RBM20: variants seen among roughly 807,000 people sequenced by gnomAD.
The protein encoded by RBM20 is RNA-binding protein 20.
A neutral mutation model predicts 110.1 loss-of-function variants in RBM20; 51 were observed. That is an observed-to-expected ratio of 0.46 (90% CI 0.37 to 0.59). RBM20 has a LOEUF of 0.59. Ranked by LOEUF, RBM20 falls within the 20% of genes least tolerant of loss-of-function variation. The pLI, the probability that RBM20 is intolerant of heterozygous loss-of-function variation, is 0.00. For synonymous variants in RBM20, 589 were observed against 618.2 expected (o/e 0.95, Z 0.70); for missense variants, 1,512 against 1,574.9 (o/e 0.96, Z 0.68).
chr10:110,784,384 T>C lies in RBM20; in HGVS notation c.1381T>C (p.Cys461Arg), dbSNP rs1048812327. 1.3e-6 allele frequency: 2 copies of C among 1,551,342 alleles called. No homozygotes were observed. Among genetic ancestry groups the C allele is most frequent in the Non-Finnish European group, 1.7e-6 (2 of 1,146,992 alleles). ...CILGSAEGTL[C>R]ASPNSTAVYN... ...ACTTGGTTCGGCAGAGGGAACATTGTGTGCTTCTCCCAACAGCACAGCTGT... is the reference window on the plus strand; with the variant it reads ...ACTTGGTTCGGCAGAGGGAACATTGCGTGCTTCTCCCAACAGCACAGCTGT... Residue 461 changes from cysteine to arginine, a missense_variant, in exon 4 of 14, where the codon TGT (cysteine) becomes CGT (arginine). Physicochemically the swap from Cys to Arg is radical, Grantham distance 180. Coordinates refer to ENST00000369519, the MANE Select transcript of RBM20 (RefSeq NM_001134363.3).
chr10:110,783,455 A>G (rs1844380064), intron 3 of RBM20, 28 bp downstream of exon 3: 1 of 1,519,284 alleles, frequency 6.6e-7, no homozygotes, highest in Non-Finnish European at 8.9e-7. Context: ...GGACAGGCTC[A>G]TGCGTAGGCT....
intron 1 of RBM20, among the ~76,000 whole-genome samples, chr10:110,663,205 G>A (rs1862131014): frequency 6.6e-6 from 1 of 152,020 alleles, no homozygotes; most frequent in East Asian, 1.9e-4. Flanking sequence ...CAATCCACCT[G>A]CCTCAGCCTC....
intron 1 of RBM20, among the ~76,000 whole-genome samples, chr10:110,678,756 AT>A (rs1290727450): frequency 3.9e-5 from 6 of 152,178 alleles, no homozygotes; most frequent in Non-Finnish European, 2.9e-5. Context: ...CAATAGGAGA[AT>A]GTTTGGTGGT....
intron 12 of RBM20, among the ~76,000 whole-genome samples, chr10:110,824,335 A>G (rs1844955425): frequency 6.6e-6 from 1 of 152,202 alleles, no homozygotes; most frequent in East Asian, 1.9e-4. Flanking sequence ...CCTTCCCAGA[A>G]CAATGCTACA....
chr10:110,810,293 C>G (rs1844747808), intron 7 of RBM20, 90 bp from the exon 8 acceptor site: 1 of 907,346 alleles, frequency 1.1e-6, no homozygotes, highest in Middle Eastern at 2.1e-4. Flanking sequence ...TTTGGTGGAC[C>G]AGGCAATGAA....
intron 1 of RBM20, among the ~76,000 whole-genome samples, chr10:110,680,623 G>A (rs1055034221): frequency 1.8e-4 from 27 of 152,190 alleles, no homozygotes; most frequent in Admixed American, 1.2e-3. Flanking sequence ...GCTAACTAGC[G>A]TGGGCTGTGG....
rs867791175 is a variant in RBM20, at chr10:110,727,143, C to G, written c.192-53658C>G. Among the ~76,000 whole-genome samples the G allele has an allele frequency of 9.9e-5, 8 of 80,664 alleles. No homozygotes were observed. In the East Asian group the frequency reaches 3.8e-3, roughly 39 times the overall value. 52.9% of individuals were successfully genotyped at this position (80,664 alleles called of 152,430 possible). On this transcript the variant is annotated intron_variant, in intron 1 of 13. Coordinates refer to ENST00000369519, the MANE Select transcript of RBM20 (RefSeq NM_001134363.3). Reference sequence around the variant, plus strand: ...ACAGGCGTGAGTCACTGCACCCAGCCTTTTTTTTTTTTTTTTTTTTTTTTT... The same window carrying G: ...ACAGGCGTGAGTCACTGCACCCAGCGTTTTTTTTTTTTTTTTTTTTTTTTT...
rs1277502310 is a variant in RBM20, at chr10:110,689,947, G to C, written c.191+45302G>C. ...CATAAAAGAGATATCTTAATTTTAA[G>C]TGCTTCCAGAAAATGGGAATGAAAC... On this transcript the variant is annotated intron_variant, in intron 1 of 13. Coordinates refer to ENST00000369519, the MANE Select transcript of RBM20 (RefSeq NM_001134363.3). Among the ~76,000 whole-genome samples the C allele has an allele frequency of 2.0e-5, 3 of 152,106 alleles. No individual in the cohort carries two copies. In the East Asian group the frequency reaches 5.8e-4, roughly 29 times the overall value.
In RBM20 at chr10:110,810,453, AAGCAGAC is replaced by A. The variant is rs1427467004; in HGVS notation, c.1874_1880del (p.Ala625AspfsTer13). The A allele has an allele frequency of 6.4e-7, 1 of 1,551,228 alleles. No homozygotes were observed. The highest frequency in any genetic ancestry group is 2.0e-5 in the Admixed American group (1 of 50,964). On this transcript the variant is annotated frameshift_variant and splice_region_variant, in exon 8 of 14. Coordinates refer to ENST00000369519, the MANE Select transcript of RBM20 (RefSeq NM_001134363.3). LOFTEE classifies it high-confidence loss of function. ...CAGAGGGAGAGGGACATGTTCCGGG[AAGCAGAC>A]AGGTGAGGCCCCAAGCCCCAAGTCT... is the stretch of plus-strand genomic sequence containing the variant.
At chr10:110,680,997 C>T (rs376235924) in intron 1 of RBM20, among the ~76,000 whole-genome samples, 13 of 152,262 alleles carry the variant, frequency 8.5e-5, no homozygotes, top group African/African-American at 2.2e-4. Flanking sequence ...TTGTTACATT[C>T]GTGAAAAATC....
At chr10:110,777,086 T>A (rs529256879) in intron 1 of RBM20, among the ~76,000 whole-genome samples, 2 of 152,362 alleles carry the variant, frequency 1.3e-5, no homozygotes, top group African/African-American at 4.8e-5. Context: ...TTCTTCATTT[T>A]GTTCACGGCA....
intron 1 of RBM20, among the ~76,000 whole-genome samples, chr10:110,717,904 C>G (rs1265559694): frequency 6.6e-6 from 1 of 152,188 alleles, no homozygotes; most frequent in Non-Finnish European, 1.5e-5. Context: ...TCAAGCAACC[C>G]CAGTTAGCAT....
At chr10:110,741,451 A>T (rs1843724561) in intron 1 of RBM20, among the ~76,000 whole-genome samples, 1 of 152,120 alleles carries the variant, frequency 6.6e-6, no homozygotes, top group East Asian at 1.9e-4. Flanking sequence ...AACTCATGCA[A>T]ACTCAGCCTT....
At chr10:110,657,522 T>G (rs1335412452) in intron 1 of RBM20, among the ~76,000 whole-genome samples, 1 of 152,238 alleles carries the variant, frequency 6.6e-6, no homozygotes, top group Non-Finnish European at 1.5e-5. Flanking sequence ...TGTTTTGGAA[T>G]GGTAAGAGTC....
At chr10:110,697,892 G>T (rs1374669752) in intron 1 of RBM20, among the ~76,000 whole-genome samples, 1 of 149,050 alleles carries the variant, frequency 6.7e-6, no homozygotes, top group Non-Finnish European at 1.5e-5. Context: ...AGAAACAGGG[G>T]CCTTGTTTCT....
chr10:110,727,487 G>A (rs1046266717), intron 1 of RBM20, among the ~76,000 whole-genome samples: 1 of 150,332 alleles, frequency 6.7e-6, no homozygotes, highest in Non-Finnish European at 1.5e-5. Context: ...TTTAAATTTT[G>A]TATGTAGTTG....
chr10:110,756,704 G>A (rs2059260853), intron 1 of RBM20: 1 of 152,248 alleles, frequency 6.6e-6, no homozygotes, highest in Non-Finnish European at 1.5e-5. Flanking sequence ...GCCTGAAGGT[G>A]GGAGCTAATC....
intron 12 of RBM20, among the ~76,000 whole-genome samples, chr10:110,826,582 T>C (rs1201424850): frequency 1.8e-5 from 2 of 111,414 alleles, no homozygotes; most frequent in African/African-American, 7.2e-5. Context: ...TCATTCTTCT[T>C]CTTTTTTTTT....
rs147960371 is a variant in RBM20, at chr10:110,839,300, A to G, written c.*3322A>G. On this transcript the variant is annotated 3_prime_UTR_variant, in exon 14 of 14. Coordinates refer to ENST00000369519, the MANE Select transcript of RBM20 (RefSeq NM_001134363.3). ...GGACCAGAGTTTGTTTTTTGAATTT[A>G]TGAGAAAAACCAAAACACTAAGTTA... is the stretch of plus-strand genomic sequence containing the variant. 2 of 152,312 alleles carry G rather than the reference A, an allele frequency of 1.3e-5. No individual in the cohort carries two copies. The highest frequency in any genetic ancestry group is 1.3e-4 in the Admixed American group (2 of 15,298). 9.4% of individuals were successfully genotyped at this position (152,312 alleles called of 1,614,324 possible). A position where few individuals can be genotyped will look rare whatever the true frequency, so the allele number is the denominator to read the frequency against.
Sources: allele counts gnomAD v4.1 joint callset (sites outside exome capture counted in the v4.1 genomes callset), GRCh38; gene constraint gnomAD v4.1.1; transcripts MANE v1.5; gene names NCBI Gene and HGNC (gene_info 2026-07-23, HGNC 2026-07-21).